Variants in URB1 observed in about 807,000 individuals in gnomAD.
URB1 encodes the protein URB1 ribosome biogenesis factor, also known as nucleolar pre-ribosomal-associated protein 1.
A neutral mutation model predicts 242.3 loss-of-function variants in URB1; 197 were observed. That is an observed-to-expected ratio of 0.81 (90% CI 0.72 to 0.91). The LOEUF is 0.91. Ranked by LOEUF, URB1 falls within the 40% of genes least tolerant of loss-of-function variation. The probability of loss-of-function intolerance (pLI) is 0.00; values close to 1 mark genes in which losing one functional copy is unlikely to be tolerated. For synonymous variants in URB1, 1,153 were observed against 1,201.8 expected (o/e 0.96, Z 0.84); for missense variants, 2,721 against 2,860.5 (o/e 0.95, Z 1.11).
At chr21:32,341,797 G>C (rs374684300) in intron 24 of URB1, among the ~76,000 whole-genome samples, 2 of 152,146 alleles carry the variant, frequency 1.3e-5, no homozygotes, top group Admixed American at 1.3e-4. Flanking sequence ...ATTAATGTGC[G>C]TGGGAAAAAT....
intron 34 of URB1, among the ~76,000 whole-genome samples, chr21:32,321,252 A>G (rs182944448): frequency 3.3e-5 from 5 of 152,326 alleles, no homozygotes. Context: ...AGCTTTTCCT[A>G]TTTCCTTCTA....
At chr21:32,333,263 A>C in intron 30 of URB1, 54 bp downstream of exon 30, 1 of 1,399,018 alleles carries the variant, frequency 7.1e-7, no homozygotes, top group Non-Finnish European at 9.9e-7. Flanking sequence ...AATCAACCTG[A>C]CCTCTGAGAA....
At chr21:32,322,016 C>T (rs2032773421) in intron 33 of URB1, 72 bp from the exon 34 acceptor site, 5 of 1,516,518 alleles carry the variant, frequency 3.3e-6, no homozygotes, top group Non-Finnish European at 4.4e-6. Flanking sequence ...GTTCAAACAC[C>T]ACTATTTTAA....
At chr21:32,343,329 A>G (rs1367350833) in intron 24 of URB1, among the ~76,000 whole-genome samples, 2 of 152,212 alleles carry the variant, frequency 1.3e-5, no homozygotes, top group Non-Finnish European at 2.9e-5. Context: ...AATTCTACTC[A>G]GCAACAAAAA....
chr21:32,353,800 A>G (rs1418929262), intron 18 of URB1, 133 bp downstream of exon 18: 1 of 1,082,540 alleles, frequency 9.2e-7, no homozygotes, highest in Non-Finnish European at 1.3e-6. Flanking sequence ...GGTAGCTATC[A>G]CTCTGGGGGT....
rs1157068682 is a variant in URB1, at chr21:32,338,894, C to A, written c.4323G>T (p.Arg1441=). The A allele has an allele frequency of 2.0e-6, 3 of 1,535,216 alleles. No individual in the cohort carries two copies. Among genetic ancestry groups the A allele is most frequent in the Non-Finnish European group, 2.6e-6 (3 of 1,134,906 alleles). ...TCTTTAAAAATGTGTGGTCCTGGTACCGAAATCTAGGCGGCGAGAGTCAAA... is the reference window on the plus strand; with the variant it reads ...TCTTTAAAAATGTGTGGTCCTGGTAACGAAATCTAGGCGGCGAGAGTCAAA... ...QKFVKKGLKF[R]YQDHTFLKML... Residue 1441 remains arginine, a synonymous_variant, in exon 26 of 39, where the codon CGG becomes CGT. Coordinates refer to ENST00000382751, the MANE Select transcript of URB1 (RefSeq NM_014825.3).
chr21:32,363,421 T>C, intron 10 of URB1, 92 bp from the exon 11 acceptor site: 1 of 1,426,926 alleles, frequency 7.0e-7, no homozygotes, highest in Non-Finnish European at 9.4e-7. Context: ...CCTCCTCAGG[T>C]CACTCACAGG....
intron 2 of URB1, among the ~76,000 whole-genome samples, 158 bp downstream of exon 2, chr21:32,385,387 T>C (rs1354811632): frequency 1.3e-5 from 2 of 152,226 alleles, no homozygotes; most frequent in African/African-American, 4.8e-5. Flanking sequence ...TTCAAGGTCA[T>C]GGAGGCAAAA....
At chr21:32,390,922 G>A (rs779966046) in intron 1 of URB1, among the ~76,000 whole-genome samples, 3 of 152,170 alleles carry the variant, frequency 2.0e-5, no homozygotes, top group Non-Finnish European at 2.9e-5. Flanking sequence ...GCACACGTAC[G>A]TTTACTGTGG....
At chr21:32,345,977 A>T (rs2033082048) in intron 22 of URB1, among the ~76,000 whole-genome samples, 1 of 152,134 alleles carries the variant, frequency 6.6e-6, no homozygotes. Flanking sequence ...TTGAAATGTG[A>T]TCTCCAGTGT....
At position 32,316,723 on chromosome 21, in the gene URB1, T is replaced by C; in HGVS notation, c.6377A>G (p.Lys2126Arg). The C allele has an allele frequency of 6.4e-7, 1 of 1,551,380 alleles. No homozygotes were observed. Among genetic ancestry groups the C allele is most frequent in the East Asian group, 2.4e-5 (1 of 40,924 alleles). The change falls in exon 38 of 39, where the codon AAG (lysine) becomes AGG (arginine). Residue 2126 changes from lysine (K) to arginine (R), a missense_variant. Lys to Arg is a conservative substitution (Grantham distance 26). Coordinates refer to ENST00000382751, the MANE Select transcript of URB1 (RefSeq NM_014825.3). ...AEAAGLIGWLKSHILPHPVVV... is the reference protein window; with the variant it reads ...AEAAGLIGWLRSHILPHPVVV... ...CACAGGGTGTGGCAAAATATGGCTC[T>C]TAAGCCAGCCAATGAGTCCTGCAGC...
intron 27 of URB1, 106 bp downstream of exon 27, chr21:32,337,298 G>C (rs1477073520): frequency 3.0e-6 from 4 of 1,343,688 alleles, no homozygotes; most frequent in Non-Finnish European, 4.1e-6. Context: ...TGGTCTCACT[G>C]TCTCCTCCTG....
At chr21:32,357,502 C>A (rs1172918290) in intron 15 of URB1, 35 bp downstream of exon 15, 3 of 1,464,908 alleles carry the variant, frequency 2.0e-6, no homozygotes, top group South Asian at 1.5e-5. Flanking sequence ...ATACAAAATG[C>A]TTTTCAGAGT....
At chr21:32,317,961 C>T (rs2032714254) in intron 36 of URB1, 44 bp from the exon 37 acceptor site, 11 of 1,546,296 alleles carry the variant, frequency 7.1e-6, no homozygotes, top group Non-Finnish European at 9.6e-6. Context: ...GGCTGCTGCC[C>T]CTGCCTGGCA....
Position 32,340,513 on chromosome 21 carries a change from C to T in URB1, c.4316+953G>A, listed in dbSNP as rs151103508. 2.4e-3 allele frequency among the ~76,000 whole-genome samples: 370 copies of T among 152,134 alleles called. 8 individuals carry two copies. The East Asian group carries it at 0.055, about 23-fold the overall frequency. ...CTGTGGACTCAGCTACTTGGGAGGC[C>T]GAGGCAGGAGAATCACTTGAACCTG... On this transcript the variant is annotated intron_variant, in intron 25 of 38. Coordinates refer to ENST00000382751, the MANE Select transcript of URB1 (RefSeq NM_014825.3).
intron 8 of URB1, among the ~76,000 whole-genome samples, chr21:32,370,408 T>G (rs928381380): frequency 3.3e-5 from 5 of 152,200 alleles, no homozygotes; most frequent in Admixed American, 6.5e-5. Flanking sequence ...TAGTTTGTAC[T>G]GTCAAATGAA....
At chr21:32,332,644 AAGACATGAAC>A (rs2098241217) in intron 30 of URB1, among the ~76,000 whole-genome samples, 1 of 151,814 alleles carries the variant, frequency 6.6e-6, no homozygotes, top group Non-Finnish European at 1.5e-5. Context: ...AAATGGGCAA[AAGACATGAAC>A]AGACATTTCA....
At chr21:32,375,938 C>T (rs1441252437) in intron 5 of URB1, among the ~76,000 whole-genome samples, 2 of 151,946 alleles carry the variant, frequency 1.3e-5, no homozygotes, top group Admixed American at 1.3e-4. Flanking sequence ...GCCTAGGCAA[C>T]AGAGCAAGAC....
intron 27 of URB1, 120 bp from the exon 28 acceptor site, chr21:32,337,277 C>T: frequency 3.0e-6 from 4 of 1,335,064 alleles, no homozygotes; most frequent in Non-Finnish European, 4.2e-6. Context: ...CTTCACCCTG[C>T]TTGCACCGCC....
Sources: gnomAD v4.1 joint callset for allele counts (sites outside exome capture counted in the v4.1 genomes callset) on GRCh38, gnomAD v4.1.1 for gene constraint, MANE v1.5 for transcripts, NCBI Gene and HGNC (gene_info 2026-07-23, HGNC 2026-07-21) for gene names.